The following UACA variants were observed in gnomAD, a reference collection of about 807,000 sequenced individuals.
The protein encoded by UACA is nuclear membrane binding protein.
UACA carries 112 observed loss-of-function variants against 160.5 expected under a neutral mutation model. That is an observed-to-expected ratio of 0.70 (90% CI 0.60 to 0.82). UACA has a LOEUF of 0.82. Ranked by LOEUF, UACA falls within the 40% of genes least tolerant of loss-of-function variation. The probability of loss-of-function intolerance (pLI) is 0.00; values close to 1 mark genes in which losing one functional copy is unlikely to be tolerated. For missense variants in UACA, 1,574 were observed against 1,614.6 expected, an observed-to-expected ratio of 0.97 and a Z score of 0.43; for synonymous variants, 557 against 568.4, an observed-to-expected ratio of 0.98 and a Z score of 0.29.
At chr15:70,684,062 A>G (rs1897615597) in intron 8 of UACA, among the ~76,000 whole-genome samples, 1 of 152,122 alleles carries the variant, frequency 6.6e-6, no homozygotes, top group Non-Finnish European at 1.5e-5. Context: ...GATAAACTAG[A>G]TTATATATGC....
In UACA at chr15:70,687,585, A is replaced by T; in HGVS notation, c.557T>A (p.Leu186Gln). 1 of 1,613,960 alleles carries T rather than the reference A, an allele frequency of 6.2e-7. No individual in the cohort carries two copies. The highest frequency in any genetic ancestry group is 8.5e-7 in the Non-Finnish European group (1 of 1,179,874). ...QMSRPTICQL[L>Q]IDRGADVNSR... is the part of the protein sequence containing the mutation. ...ATTAACATCCGCTCCTCTATCTATC[A>T]GCAGTTGACATATTGTTGGCCTACT... Residue 186 changes from leucine to glutamine, a missense_variant, in exon 7 of 19, where the codon CTG (leucine) becomes CAG (glutamine). By Grantham distance (113) the Leu-to-Gln change is moderately radical. Transcript: ENST00000322954.
chr15:70,744,228 G>A (rs1462491226), intron 1 of UACA, among the ~76,000 whole-genome samples: 6 of 131,800 alleles, frequency 4.6e-5, no homozygotes, highest in Admixed American at 8.3e-5. Context: ...CAGCCTGGGC[G>A]ACAGAGCAAG....
At chr15:70,771,712 T>C in the UACA span, among the ~76,000 whole-genome samples, 6 of 152,190 alleles carry the variant, frequency 3.9e-5, no homozygotes, top group African/African-American at 9.6e-5. Context: ...GATTGGGTAG[T>C]TGAGGAAAGT....
intron 5 of UACA, among the ~76,000 whole-genome samples, chr15:70,689,011 T>C (rs867402641): frequency 1.3e-5 from 2 of 152,140 alleles, no homozygotes; most frequent in Non-Finnish European, 2.9e-5. Flanking sequence ...TGCAGATAAA[T>C]ATAGCCAATT....
chr15:70,707,358 A>G (rs915294867), intron 1 of UACA, among the ~76,000 whole-genome samples: 1 of 152,168 alleles, frequency 6.6e-6, no homozygotes, highest in Non-Finnish European at 1.5e-5. Context: ...AAACTTCGTA[A>G]ATTGGATTTG....
At chr15:70,693,207 G>T (rs1213758785) in intron 3 of UACA, among the ~76,000 whole-genome samples, 1 of 152,062 alleles carries the variant, frequency 6.6e-6, no homozygotes, top group Admixed American at 6.6e-5. Flanking sequence ...ACAGAAACTT[G>T]GTCACATAAA....
At chr15:70,705,738 C>G (rs1163714872) in intron 1 of UACA, among the ~76,000 whole-genome samples, 1 of 151,878 alleles carries the variant, frequency 6.6e-6, no homozygotes, top group African/African-American at 2.4e-5. Context: ...AGAATTTAAC[C>G]TATAAATTAA....
chr15:70,755,375 A>G lies in UACA; in HGVS notation c.78+7955T>C, dbSNP rs954913457. Among the ~76,000 whole-genome samples, 19 of 152,236 alleles carry G rather than the reference A, an allele frequency of 1.2e-4. 1 individual carries two copies. Among genetic ancestry groups the G allele is most frequent in the African/African-American group, 4.6e-4 (19 of 41,550 alleles). ...TAAATTTTAATTCAAGGTTTAAAAA[A>G]AAAAAAGAATGAGGCCGGGGGCAGT... On this transcript the variant is annotated intron_variant, in intron 1 of 18. Transcript: ENST00000322954.
In UACA at chr15:70,702,203, A is replaced by G. The variant is rs1398578103; in HGVS notation, c.79-2543T>C. 25 of 1,148,616 alleles carry G rather than the reference A, an allele frequency of 2.2e-5. No homozygotes were observed. In the Admixed American group the frequency reaches 7.1e-4, roughly 32 times the overall value. The allele number at this position is 1,148,616 out of a possible 1,614,324, so 71.2% of individuals were successfully genotyped here. On this transcript the variant is annotated intron_variant, in intron 1 of 18. Transcript: ENST00000322954. Reference sequence around the variant, plus strand: ...ATCTATTTCTTATTCTTTGGAAGCTAGCTATCTTTCAAAGTTGTCCCTTTG... The same window carrying G: ...ATCTATTTCTTATTCTTTGGAAGCTGGCTATCTTTCAAAGTTGTCCCTTTG...
In UACA at chr15:70,738,731, C is replaced by CA. The variant is rs556132801; in HGVS notation, c.78+24598dup. On this transcript the variant is annotated intron_variant, in intron 1 of 18. Coordinates refer to ENST00000322954, the MANE Select transcript of UACA (RefSeq NM_018003.4). ...AGAGGAAAAAGCAGAAACATTCATC[C>CA]AAAAAAAAGTATTCTATGTCTATTG... Among the ~76,000 whole-genome samples, 6 of 151,800 alleles carry CA rather than the reference C, an allele frequency of 4.0e-5. No homozygotes were observed. In the South Asian group the frequency reaches 8.3e-4, roughly 21 times the overall value.
intron 16 of UACA, among the ~76,000 whole-genome samples, chr15:70,665,341 T>C (rs183376135): frequency 5.1e-4 from 77 of 152,332 alleles, no homozygotes; most frequent in Middle Eastern, 3.4e-3. Context: ...ATAGCATTTT[T>C]CCACCCTGCT....
chr15:70,679,950 A>C (rs906266885), intron 9 of UACA: 4 of 178,468 alleles, frequency 2.2e-5, no homozygotes, highest in African/African-American at 9.4e-5. Context: ...AAAGTCACAA[A>C]ATTTTAAAAA....
intron 1 of UACA, among the ~76,000 whole-genome samples, chr15:70,719,243 C>T (rs948508007): frequency 6.6e-5 from 10 of 152,206 alleles, no homozygotes; most frequent in African/African-American, 2.4e-4. Flanking sequence ...AAACTCCCAA[C>T]TATTTCCCAT....
intron 2 of UACA, among the ~76,000 whole-genome samples, chr15:70,698,245 A>G (rs1025232746): frequency 6.6e-5 from 10 of 152,146 alleles, no homozygotes; most frequent in Admixed American, 2.0e-4. Flanking sequence ...GTCACTCAAA[A>G]CATTCGAAGT....
intron 13 of UACA, among the ~76,000 whole-genome samples, chr15:70,674,665 C>T (rs1016765573): frequency 2.0e-5 from 3 of 152,094 alleles, no homozygotes; most frequent in Admixed American, 2.0e-4. Context: ...GTGGCGTGAT[C>T]TCACTCATTG....
chr15:70,770,743 A>C, the UACA span, among the ~76,000 whole-genome samples: 3 of 152,224 alleles, frequency 2.0e-5, no homozygotes, highest in Non-Finnish European at 2.9e-5. Context: ...AAGACATCGC[A>C]TTTTAAGGCT....
chr15:70,657,865 T>A (rs556893588), intron 18 of UACA, among the ~76,000 whole-genome samples: 4 of 151,858 alleles, frequency 2.6e-5, no homozygotes, highest in South Asian at 2.1e-4. Flanking sequence ...GAGGATCACT[T>A]GAGGCCAGGA....
chr15:70,752,534 C>A (rs991177059), intron 1 of UACA, among the ~76,000 whole-genome samples: 2 of 151,940 alleles, frequency 1.3e-5, no homozygotes, highest in Non-Finnish European at 2.9e-5. Context: ...TCCCCTCCCC[C>A]CCACCACTTA....
At position 70,714,496 on chromosome 15, in the gene UACA, C is replaced by G. The variant is rs188235922; in HGVS notation, c.79-14836G>C. Among the ~76,000 whole-genome samples, 438 of 152,094 alleles carry G rather than the reference C, an allele frequency of 2.9e-3. 2 individuals carry two copies. The highest frequency in any genetic ancestry group is 0.01 in the African/African-American group (425 of 41,442). On this transcript the variant is annotated intron_variant, in intron 1 of 18. Coordinates refer to ENST00000322954, the MANE Select transcript of UACA (RefSeq NM_018003.4). ...TGTAGTTTGGACTCAATGGAACAAA[C>G]AGAAGAAAGGGAAAATTATATCCTA...
Sources: gnomAD v4.1 joint callset for allele counts (sites outside exome capture counted in the v4.1 genomes callset) on GRCh38, gnomAD v4.1.1 for gene constraint, MANE v1.5 for transcripts, NCBI Gene and HGNC (gene_info 2026-07-23, HGNC 2026-07-21) for gene names.